ELK4: variants seen among roughly 807,000 people sequenced by gnomAD.
ELK4 encodes ETS transcription factor ELK4, also known as ETS domain-containing protein Elk-4.
In ELK4, 16 loss-of-function variants were observed where a neutral mutation model predicts 29.6. That is an observed-to-expected ratio of 0.54 (90% confidence interval 0.37 to 0.82). The LOEUF (loss-of-function observed/expected upper bound fraction) is 0.82, where lower values mean the gene tolerates loss of function less well. Among genes scored for constraint, ELK4 ranks in the 40% least tolerant of loss-of-function variants. The pLI, the probability that ELK4 is intolerant of heterozygous loss-of-function variation, is 0.00. For missense variants in ELK4, 465 were observed against 507.1 expected (o/e 0.92, Z 0.80); for synonymous variants, 213 against 191.1 (o/e 1.11, Z -0.95).
chr1:205,623,903 TAGATA>T lies in ELK4; in HGVS notation c.-9-17_-9-13del, dbSNP rs768168961. ...TCCATAGCAATGAGCTGAAAGAATA[TAGATA>T]AGATATGTGATAATATTAACAGCCA... On this transcript the variant is annotated splice_polypyrimidine_tract_variant and intron_variant, in intron 1 of 4. Transcript: ENST00000357992. 1.4e-5 allele frequency: 22 copies of T among 1,611,072 alleles called. No individual in the cohort carries two copies. Among genetic ancestry groups the T allele is most frequent in the Admixed American group, 3.3e-5 (2 of 59,952 alleles).
chr1:205,611,496 C>T lies in ELK4; in HGVS notation c.*5050G>A, dbSNP rs936779681. Reference sequence around the variant, plus strand: ...CAGCAACATTAAAACAATAACAAAACATTTGTTGATCCCAAACCAAGAATA... The same window carrying T: ...CAGCAACATTAAAACAATAACAAAATATTTGTTGATCCCAAACCAAGAATA... On this transcript the variant is annotated 3_prime_UTR_variant, in exon 5 of 5. Coordinates refer to ENST00000357992, the MANE Select transcript of ELK4 (RefSeq NM_001973.4). The T allele has an allele frequency of 4.8e-6, 1 of 208,664 alleles. No individual in the cohort carries two copies. Among genetic ancestry groups the T allele is most frequent in the African/African-American group, 2.3e-5 (1 of 43,970 alleles). The allele number at this position is 208,664 out of a possible 1,614,324, so 12.9% of individuals were successfully genotyped here.
chr1:205,631,151 C>T (rs544964764), intron 1 of ELK4, among the ~76,000 whole-genome samples: 1 of 152,030 alleles, frequency 6.6e-6, no homozygotes, highest in South Asian at 2.1e-4. Flanking sequence ...GCCGCTGGAG[C>T]GAAAGAGAAA....
In ELK4 at chr1:205,620,078, T is replaced by C. The variant is rs759155171; in HGVS notation, c.968A>G (p.Lys323Arg). The C allele has an allele frequency of 5.0e-5, 81 of 1,614,094 alleles. No individual in the cohort carries two copies. The highest frequency in any genetic ancestry group is 2.2e-5 in the South Asian group (2 of 91,082). Residue 323 changes from lysine to arginine, a missense_variant, in exon 3 of 5, where the codon AAA (lysine) becomes AGA (arginine). This residue lies in a region of ELK4 where 385 missense variants were observed against 387.5 expected (regional missense o/e 0.99). Coordinates refer to ENST00000357992, the MANE Select transcript of ELK4 (RefSeq NM_001973.4). ...VNNSSRSKKP[K>R]GLELAPTLVI... ...AAGGGTGGGTGCCAGTTCTAACCCT[T>C]TGGGTTTCTTGGATCTTGATGAATT...
In ELK4 at chr1:205,612,487, A is replaced by G. The variant is rs754807371; in HGVS notation, c.*4059T>C. On this transcript the variant is annotated 3_prime_UTR_variant, in exon 5 of 5. Transcript: ENST00000357992. ...TATAGCGGTATATAATTTAACATATACCCATATGAATTTTTAATAGGGAAA... is the reference window on the plus strand; with the variant it reads ...TATAGCGGTATATAATTTAACATATGCCCATATGAATTTTTAATAGGGAAA... The G allele has an allele frequency of 2.6e-4, 56 of 213,988 alleles. No homozygotes were observed. The highest frequency in any genetic ancestry group is 5.8e-4 in the Admixed American group (10 of 17,100). 13.3% of individuals were successfully genotyped at this position (213,988 alleles called of 1,614,324 possible). A position where few individuals can be genotyped will look rare whatever the true frequency, so the allele number is the denominator to read the frequency against.
At chr1:205,625,482 G>T in intron 1 of ELK4, 1 of 692,400 alleles carries the variant, frequency 1.4e-6, no homozygotes, top group Non-Finnish European at 2.7e-6. Context: ...TTCCCAACAG[G>T]ATGAAATTCG....
At chr1:205,622,996 AAAT>A (rs1287320009) in intron 2 of ELK4, among the ~76,000 whole-genome samples, 2 of 151,724 alleles carry the variant, frequency 1.3e-5, no homozygotes, top group African/African-American at 2.4e-5. Context: ...ACAAATAAAT[AAAT>A]AATAAAAAAT....
chr1:205,623,359 G>C (rs1371900003), intron 2 of ELK4, among the ~76,000 whole-genome samples: 3 of 149,748 alleles, frequency 2.0e-5, no homozygotes, highest in African/African-American at 7.4e-5. Flanking sequence ...ACCCAGGCTG[G>C]AGTGCAATGG....
chr1:205,631,265 G>A (rs1670579632), intron 1 of ELK4, among the ~76,000 whole-genome samples: 1 of 151,778 alleles, frequency 6.6e-6, no homozygotes, highest in South Asian at 2.1e-4. Flanking sequence ...GGGAAGAGGT[G>A]CAACCTCACC....
chr1:205,616,635 C>T lies in ELK4; in HGVS notation c.1207G>A (p.Val403Ile). The change falls in exon 5 of 5, where the codon GTA becomes ATA. Residue 403 changes from valine to isoleucine, a missense_variant. Physicochemically the swap from Val to Ile is conservative, Grantham distance 29. Coordinates refer to ENST00000357992, the MANE Select transcript of ELK4 (RefSeq NM_001973.4). ...GANTLFQFPS[V>I]LNSHGPFTLS... ...GTGAATGGCCCATGACTGTTCAGTA[C>T]AGAAGGAAACTGAGAAAGAAAACAA... 1.2e-6 allele frequency: 2 copies of T among 1,612,128 alleles called. No individual in the cohort carries two copies. Among genetic ancestry groups the T allele is most frequent in the Non-Finnish European group, 1.7e-6 (2 of 1,178,372 alleles).
chr1:205,628,432 G>C (rs894718076), intron 1 of ELK4, among the ~76,000 whole-genome samples: 4 of 152,186 alleles, frequency 2.6e-5, no homozygotes, highest in African/African-American at 9.7e-5. Flanking sequence ...ACTGCTTATA[G>C]GGGTGGAGTA....
Position 205,618,981 on chromosome 1 carries a change from C to T in ELK4, c.1173G>A (p.Leu391=). 1 of 1,610,202 alleles carries T rather than the reference C, an allele frequency of 6.2e-7. No individual in the cohort carries two copies. The highest frequency in any genetic ancestry group is 1.1e-5 in the South Asian group (1 of 90,186). Reference sequence around the variant, plus strand: ...CCTGGAAAAGTGTGTTAGCACCTTGCAGTCTGGCTGGACTTAGGGGAGCAA... The same window carrying T: ...CCTGGAAAAGTGTGTTAGCACCTTGTAGTCTGGCTGGACTTAGGGGAGCAA... ...SPVAPLSPAR[L]QGANTLFQFP... is the part of the protein sequence containing the mutation. Residue 391 remains leucine, a synonymous_variant, in exon 4 of 5, where the codon CTG becomes CTA. Coordinates refer to ENST00000357992, the MANE Select transcript of ELK4 (RefSeq NM_001973.4).
intron 2 of ELK4, among the ~76,000 whole-genome samples, chr1:205,623,171 AAAAAG>A (rs1469035113): frequency 6.6e-6 from 1 of 151,542 alleles, no homozygotes; most frequent in African/African-American, 2.4e-5. Flanking sequence ...AAAAAAAAAA[AAAAAG>A]AAGAAGATTT....
chr1:205,626,527 T>C (rs1370845747), intron 1 of ELK4, among the ~76,000 whole-genome samples: 1 of 151,752 alleles, frequency 6.6e-6, no homozygotes, highest in African/African-American at 2.4e-5. Context: ...GGGACTGAAA[T>C]TGCAAGGGGA....
Position 205,620,588 on chromosome 1 carries a change from T to G in ELK4, c.458A>C (p.Asn153Thr). ...HSGLYSSFTLNSLNSSNVKLF... is the reference protein window; with the variant it reads ...HSGLYSSFTLTSLNSSNVKLF... ...CTTTACATTGGAGGAGTTCAAAGAG[T>G]TGAGAGTAAATGAAGAATATAAGCC... The change falls in exon 3 of 5, where the codon AAC becomes ACC. Residue 153 changes from asparagine (N) to threonine (T), a missense_variant. Around this residue, in one of 2 missense-constraint regions of ELK4, gnomAD observed 385 missense variants for 387.5 expected, o/e 0.99. Coordinates refer to ENST00000357992, the MANE Select transcript of ELK4 (RefSeq NM_001973.4). 6.2e-7 allele frequency: 1 copy of G among 1,613,948 alleles called. No individual in the cohort carries two copies. The highest frequency in any genetic ancestry group is 8.5e-7 in the Non-Finnish European group (1 of 1,180,006).
At chr1:205,627,777 A>T (rs1670495707) in intron 1 of ELK4, among the ~76,000 whole-genome samples, 1 of 152,234 alleles carries the variant, frequency 6.6e-6, no homozygotes, top group African/African-American at 2.4e-5. Context: ...CTGTAGTGGA[A>T]AATAGTTGGG....
chr1:205,619,803 AT>A, intron 3 of ELK4, 162 bp downstream of exon 3: 1 of 1,542,942 alleles, frequency 6.5e-7, no homozygotes, highest in Non-Finnish European at 8.7e-7. Flanking sequence ...AGCAATCCTA[AT>A]TAAGATGAGA....
In ELK4 at chr1:205,616,494, T is replaced by C. The variant is rs1322541749; in HGVS notation, c.*52A>G. On this transcript the variant is annotated 3_prime_UTR_variant, in exon 5 of 5. Coordinates refer to ENST00000357992, the MANE Select transcript of ELK4 (RefSeq NM_001973.4). ...ATTGCTCACTTCAAATGCAATCATG[T>C]TGAATGTCTGTTTCTTCGTTCCTCG... 28 of 1,507,570 alleles carry C rather than the reference T, an allele frequency of 1.9e-5. No individual in the cohort carries two copies. Among genetic ancestry groups the C allele is most frequent in the Non-Finnish European group, 2.6e-5 (28 of 1,085,010 alleles). 93.4% of individuals were successfully genotyped at this position (1,507,570 alleles called of 1,614,324 possible). A position where few individuals can be genotyped will look rare whatever the true frequency, so the allele number is the denominator to read the frequency against.
At chr1:205,626,293 C>T (rs774789316) in intron 1 of ELK4, 5 of 386,904 alleles carry the variant, frequency 1.3e-5, no homozygotes, top group Non-Finnish European at 2.5e-5. Context: ...TTCTTTCCAG[C>T]CTCTCTTAGG....
intron 2 of ELK4, among the ~76,000 whole-genome samples, chr1:205,622,767 A>G (rs1670374931): frequency 6.6e-6 from 1 of 152,246 alleles, no homozygotes; most frequent in Admixed American, 6.5e-5. Context: ...TCATATTCCA[A>G]TTCTGTACAT....
Sources: allele counts gnomAD v4.1 joint callset (sites outside exome capture counted in the v4.1 genomes callset), GRCh38; gene constraint gnomAD v4.1.1; regional missense constraint gnomAD v4.1.1; transcripts MANE v1.5; gene names NCBI Gene and HGNC (gene_info 2026-07-23, HGNC 2026-07-21).